Variants in PID1 observed in about 807,000 individuals in gnomAD.
PID1 encodes PTB-containing, cubilin and LRP1-interacting protein.
In PID1, 10 loss-of-function variants were observed where a neutral mutation model predicts 19.1. That is an observed-to-expected ratio of 0.52 (90% CI 0.32 to 0.89). The LOEUF is 0.89. Among genes scored for constraint, PID1 ranks in the 40% least tolerant of loss-of-function variants. The pLI is 0.03. For synonymous variants in PID1, 130 were observed against 116.0 expected (o/e 1.12, Z -0.78); for missense variants, 248 against 285.3 (o/e 0.87, Z 0.94).
At chr2:229,079,682 G>A (rs1470764707) in intron 2 of PID1, among the ~76,000 whole-genome samples, 5 of 152,324 alleles carry the variant, frequency 3.3e-5, no homozygotes, top group Middle Eastern at 3.4e-3. Flanking sequence ...TGTTCCATTT[G>A]AGGAGATAAA....
At chr2:229,222,677 G>GC (rs1231920082) in intron 1 of PID1, among the ~76,000 whole-genome samples, 1 of 152,144 alleles carries the variant, frequency 6.6e-6, no homozygotes, top group African/African-American at 2.4e-5. Context: ...TGAATAGAAT[G>GC]CAAGGTTGAG....
chr2:229,025,892 G>A lies in PID1; in HGVS notation c.394C>T (p.Arg132Cys), dbSNP rs752330068. The change falls in exon 3 of 3, where the codon CGC (arginine) becomes TGC (cysteine). Residue 132 changes from arginine to cysteine, a missense_variant. Transcript: ENST00000392055. ...TVHMDTFQVA[R>C]IAYCTADHNV... ...TGGTCGGCGGTGCAGTAGGCGATGC[G>A]GGCCACCTGGAAGGTATCCATGTGC... The A allele has an allele frequency of 8.7e-6, 14 of 1,614,180 alleles. No homozygotes were observed. The highest frequency in any genetic ancestry group is 3.3e-5 in the Admixed American group (2 of 60,026).
At chr2:229,136,092 CACTT>C (rs909995106) in intron 2 of PID1, among the ~76,000 whole-genome samples, 9 of 152,186 alleles carry the variant, frequency 5.9e-5, no homozygotes, top group Non-Finnish European at 1.0e-4. Context: ...CTTGCTGTCT[CACTT>C]GCTTGCTCAG....
At chr2:229,074,356 C>T (rs570198395) in intron 2 of PID1, among the ~76,000 whole-genome samples, 20 of 151,408 alleles carry the variant, frequency 1.3e-4, no homozygotes, top group South Asian at 1.3e-3. Flanking sequence ...AGGATGCAGC[C>T]GCAACAATAA....
At chr2:229,060,048 A>G (rs984205540) in intron 2 of PID1, among the ~76,000 whole-genome samples, 7 of 152,154 alleles carry the variant, frequency 4.6e-5, no homozygotes, top group African/African-American at 1.7e-4. Context: ...CAATGATGTT[A>G]TGATATATAT....
chr2:229,075,758 A>G (rs746669164), intron 2 of PID1, among the ~76,000 whole-genome samples: 5 of 152,218 alleles, frequency 3.3e-5, no homozygotes, highest in Non-Finnish European at 4.4e-5. Flanking sequence ...ACTAAAGATT[A>G]ATTTAACTGC....
intron 1 of PID1, among the ~76,000 whole-genome samples, chr2:229,235,191 T>C (rs556117602): frequency 6.6e-6 from 1 of 152,126 alleles, no homozygotes; most frequent in African/African-American, 2.4e-5. Flanking sequence ...TTGACCCCTG[T>C]GGCGGGAGGA....
At chr2:229,139,043 A>AAGAAAGAGAGAGAG (rs1559251448) in intron 2 of PID1, among the ~76,000 whole-genome samples, 1 of 63,562 alleles carries the variant, frequency 1.6e-5, no homozygotes, top group Admixed American at 1.5e-4. Flanking sequence ...AAGAAAGAGA[A>AAGAAAGAGAGAGAG]AGAAAGAAAG....
At chr2:229,263,954 C>T (rs1176199076) in intron 1 of PID1, among the ~76,000 whole-genome samples, 1 of 152,128 alleles carries the variant, frequency 6.6e-6, no homozygotes, top group Non-Finnish European at 1.5e-5. Flanking sequence ...AATAAGCCTG[C>T]AATGAATGGT....
intron 1 of PID1, among the ~76,000 whole-genome samples, chr2:229,159,702 C>T (rs1213289088): frequency 6.6e-6 from 1 of 152,154 alleles, no homozygotes; most frequent in Admixed American, 6.5e-5. Flanking sequence ...TAAAAAGTTG[C>T]CAGCTCTGAG....
At chr2:229,206,696 T>A (rs916205401) in intron 1 of PID1, among the ~76,000 whole-genome samples, 1 of 152,198 alleles carries the variant, frequency 6.6e-6, no homozygotes, top group African/African-American at 2.4e-5. Context: ...TTGGTACCCG[T>A]AGTTCTATCT....
At chr2:229,190,915 G>A (rs1428466104) in intron 1 of PID1, among the ~76,000 whole-genome samples, 5 of 152,156 alleles carry the variant, frequency 3.3e-5, no homozygotes, top group Admixed American at 2.0e-4. Context: ...TAAAATAACC[G>A]ATTATTTTTC....
chr2:229,047,596 A>G (rs1276012602), intron 2 of PID1, among the ~76,000 whole-genome samples: 1 of 152,232 alleles, frequency 6.6e-6, no homozygotes, highest in Non-Finnish European at 1.5e-5. Flanking sequence ...AACATTTAGC[A>G]TTTATTGAGT....
intron 2 of PID1, among the ~76,000 whole-genome samples, chr2:229,035,724 C>A (rs1373171984): frequency 6.6e-6 from 1 of 152,126 alleles, no homozygotes; most frequent in East Asian, 1.9e-4. Flanking sequence ...GATTCAGACA[C>A]CTTAGTTTCC....
chr2:229,222,072 A>T (rs896733803), intron 1 of PID1, among the ~76,000 whole-genome samples: 2 of 152,212 alleles, frequency 1.3e-5, no homozygotes, highest in African/African-American at 4.8e-5. Context: ...AATTCCCCAA[A>T]TATAAATTTA....
intron 2 of PID1, among the ~76,000 whole-genome samples, chr2:229,127,264 A>G (rs1056032944): frequency 6.6e-6 from 1 of 152,238 alleles, no homozygotes; most frequent in Non-Finnish European, 1.5e-5. Context: ...TCTGTTCTGC[A>G]AAGTGGGCCT....
At chr2:229,045,254 G>A (rs762205637) in intron 2 of PID1, among the ~76,000 whole-genome samples, 5 of 152,160 alleles carry the variant, frequency 3.3e-5, no homozygotes, top group Admixed American at 1.3e-4. Flanking sequence ...TGTGCCCAGC[G>A]ATTCAGGCTA....
Position 229,093,116 on chromosome 2 carries a change from GTCTT to G in PID1, c.177+62698_177+62701del, listed in dbSNP as rs1469845697. Among the ~76,000 whole-genome samples the G allele has an allele frequency of 1.1e-4, 15 of 141,286 alleles. No homozygotes were observed. The East Asian group carries it at 1.5e-3, about 14-fold the overall frequency. 92.7% of individuals were successfully genotyped at this position (141,286 alleles called of 152,430 possible). On this transcript the variant is annotated intron_variant, in intron 2 of 2. Coordinates refer to ENST00000392055, the MANE Select transcript of PID1 (RefSeq NM_001100818.2). ...TTTCTCCCTCCCCTTTTCTGGTCTG[GTCTT>G]TCTTTCTTTTTCTTTTTCTTTTTTT...
intron 1 of PID1, chr2:229,262,614 TACC>T: frequency 6.6e-7 from 1 of 1,515,034 alleles, no homozygotes; most frequent in Non-Finnish European, 8.8e-7. Flanking sequence ...GTGTAGTAGC[TACC>T]TAGGGCTGTT....
Sources: allele counts gnomAD v4.1 joint callset (sites outside exome capture counted in the v4.1 genomes callset), GRCh38; gene constraint gnomAD v4.1.1; transcripts MANE v1.5; gene names NCBI Gene and HGNC (gene_info 2026-07-23, HGNC 2026-07-21).